The following PXMP2 variants were observed in gnomAD, a reference collection of about 807,000 sequenced individuals.
PXMP2 encodes the protein 22 kDa peroxisomal membrane protein.
A neutral mutation model predicts 20.2 loss-of-function variants in PXMP2; 13 were observed. The ratio of observed to expected loss-of-function variants is 0.64; its 90% confidence interval spans 0.42 to 1.02. The LOEUF (loss-of-function observed/expected upper bound fraction) is 1.02. Ranked by LOEUF, PXMP2 falls within the 50% of genes least tolerant of loss-of-function variation. The pLI, the probability that PXMP2 is intolerant of heterozygous loss-of-function variation, is 0.00. For synonymous variants in PXMP2, 113 were observed against 111.2 expected (o/e 1.02, Z -0.10); for missense variants, 284 against 251.8 (o/e 1.13, Z -0.87).
chr12:132,689,163 G>A (rs1276656813), intron 1 of PXMP2, among the ~76,000 whole-genome samples: 17 of 130,498 alleles, frequency 1.3e-4, no homozygotes, highest in African/African-American at 5.1e-4. Flanking sequence ...CGAGGGGAGC[G>A]GGTCTGCGGG....
At chr12:132,695,759 G>T in intron 2 of PXMP2, 125 bp from the exon 3 acceptor site, 1 of 1,004,700 alleles carries the variant, frequency 1.0e-6, no homozygotes, top group South Asian at 1.9e-5. Context: ...GTACAGACCT[G>T]TGTGGCCAAT....
In PXMP2 at chr12:132,687,696, G is replaced by C; in HGVS notation, c.26G>C (p.Arg9Pro). Residue 9 changes from arginine to proline, a missense_variant, in exon 1 of 5, where the codon CGG (arginine) becomes CCG (proline). Physicochemically the swap from Arg to Pro is moderately radical, Grantham distance 103. Coordinates refer to ENST00000317479, the MANE Select transcript of PXMP2 (RefSeq NM_018663.3). MAPAASRL[R>P]AEAGLGALPR... The stretch of plus-strand genomic sequence containing the variant: ...ATGGCGCCGGCCGCGTCCAGGCTGC[G>C]GGCCGAAGCCGGGCTCGGGGCGCTG... 9.3e-6 allele frequency: 11 copies of C among 1,188,364 alleles called. No homozygotes were observed. The highest frequency in any genetic ancestry group is 1.1e-5 in the Non-Finnish European group (11 of 963,812). 73.6% of individuals were successfully genotyped at this position (1,188,364 alleles called of 1,614,324 possible). A position where few individuals can be genotyped will look rare whatever the true frequency, so the allele number is the denominator to read the frequency against.
intron 2 of PXMP2, among the ~76,000 whole-genome samples, chr12:132,694,394 G>C (rs1275655308): frequency 1.1e-5 from 1 of 93,846 alleles, no homozygotes; most frequent in Admixed American, 1.0e-4. Flanking sequence ...TTGCCAGTTA[G>C]TTAGTGAGCG....
chr12:132,691,754 A>G (rs769201880), intron 2 of PXMP2, among the ~76,000 whole-genome samples: 12 of 152,246 alleles, frequency 7.9e-5, no homozygotes, highest in Middle Eastern at 6.8e-3. Context: ...ACCCCCTATG[A>G]CTGGGTGGGA....
chr12:132,702,661 G>A (rs1413004635), intron 4 of PXMP2: 3 of 193,670 alleles, frequency 1.5e-5, no homozygotes, highest in African/African-American at 4.8e-5. Flanking sequence ...GCAGCTGTGT[G>A]GAGCCTGCAT....
intron 3 of PXMP2, among the ~76,000 whole-genome samples, chr12:132,699,652 C>T (rs940787266): frequency 1.3e-5 from 2 of 151,662 alleles, no homozygotes; most frequent in Non-Finnish European, 2.9e-5. Flanking sequence ...GCCTCAGCCT[C>T]CCAAAGTGCT....
chr12:132,702,424 C>T, intron 4 of PXMP2: 2 of 336,042 alleles, frequency 6.0e-6, no homozygotes, highest in South Asian at 2.2e-5. Flanking sequence ...TGTCTTTATG[C>T]ACAGCCAGGG....
intron 4 of PXMP2, among the ~76,000 whole-genome samples, 200 bp from the exon 5 acceptor site, chr12:132,704,419 C>T (rs1312199652): frequency 6.6e-6 from 1 of 152,046 alleles, no homozygotes; most frequent in South Asian, 2.1e-4. Context: ...ACTAGGGGAC[C>T]GTTTTTCTTC....
rs1217912873 is a variant in PXMP2, at chr12:132,704,897, C to A, written c.*210C>A. The A allele has an allele frequency of 5.3e-6, 3 of 566,830 alleles. No individual in the cohort carries two copies. The highest frequency in any genetic ancestry group is 6.2e-5 in the East Asian group (2 of 32,290). 35.1% of individuals were successfully genotyped at this position (566,830 alleles called of 1,614,324 possible). A position where few individuals can be genotyped will look rare whatever the true frequency, so the allele number is the denominator to read the frequency against. The stretch of plus-strand genomic sequence containing the variant: ...AGTCGCTGCCTTCAGGTGGTGCTGC[C>A]CCAGAAACTTAAAATTTAGTCGAGG... On this transcript the variant is annotated 3_prime_UTR_variant, in exon 5 of 5. Coordinates refer to ENST00000317479, the MANE Select transcript of PXMP2 (RefSeq NM_018663.3).
At position 132,704,750 on chromosome 12, in the gene PXMP2, G is replaced by A. The variant is rs1002070287; in HGVS notation, c.*63G>A. On this transcript the variant is annotated 3_prime_UTR_variant, in exon 5 of 5. Transcript: ENST00000317479. ...GGTCTGGGGGTCTCACCCGCCCAGC[G>A]AGAGCAGAACCAATCCAGTCAGGAT... 10 of 1,499,306 alleles carry A rather than the reference G, an allele frequency of 6.7e-6. No homozygotes were observed. The highest frequency in any genetic ancestry group is 1.7e-4 in the Middle Eastern group (1 of 5,890). 92.9% of individuals were successfully genotyped at this position (1,499,306 alleles called of 1,614,324 possible).
intron 2 of PXMP2, among the ~76,000 whole-genome samples, chr12:132,692,811 CAGTT>C (rs1331235214): frequency 8.7e-5 from 8 of 92,260 alleles, no homozygotes; most frequent in Admixed American, 2.1e-4. Context: ...CTCCCTTAGC[CAGTT>C]AGTTAGTGAG....
chr12:132,702,721 G>T (rs943232781), intron 4 of PXMP2, among the ~76,000 whole-genome samples: 1 of 152,204 alleles, frequency 6.6e-6, no homozygotes, highest in African/African-American at 2.4e-5. Context: ...TCTGGGAAAG[G>T]TGGGTGCCGT....
In PXMP2 at chr12:132,696,092, G is replaced by A; in HGVS notation, c.399+46G>A. The A allele has an allele frequency of 6.6e-7, 1 of 1,520,008 alleles. No individual in the cohort carries two copies. The highest frequency in any genetic ancestry group is 8.9e-7 in the Non-Finnish European group (1 of 1,124,632). 94.2% of individuals were successfully genotyped at this position (1,520,008 alleles called of 1,614,324 possible). Reference sequence around the variant, plus strand: ...TTACTGCAGCTCTTCGTTTAGCACAGGGATTCTTCACCTGACATTCTCGGC... The same window carrying A: ...TTACTGCAGCTCTTCGTTTAGCACAAGGATTCTTCACCTGACATTCTCGGC... On this transcript the variant is annotated intron_variant, in intron 3 of 4. Transcript: ENST00000317479. The surrounding 1 kb of genome is among the most constrained non-coding windows in gnomAD (Gnocchi z 4.4).
intron 4 of PXMP2, among the ~76,000 whole-genome samples, chr12:132,704,033 G>A (rs1266043058): frequency 1.3e-5 from 2 of 152,166 alleles, no homozygotes; most frequent in African/African-American, 2.4e-5. Context: ...TTCAGCAAGC[G>A]TTTCCTGAGC....
chr12:132,689,446 C>A (rs2043353853), intron 1 of PXMP2, among the ~76,000 whole-genome samples: 1 of 152,096 alleles, frequency 6.6e-6, no homozygotes, highest in South Asian at 2.1e-4. Context: ...GGAAGGCCGG[C>A]GTTAAAGAAA....
At chr12:132,698,056 G>T (rs2043419858) in intron 3 of PXMP2, among the ~76,000 whole-genome samples, 1 of 150,356 alleles carries the variant, frequency 6.7e-6, no homozygotes, top group African/African-American at 2.5e-5. Context: ...CTGTTGCCCA[G>T]GCTGGAGTGT....
rs78034912 is a variant in PXMP2 at position 132,689,709 on chromosome 12, T to C, written c.123-554T>C. Among the ~76,000 whole-genome samples, 693 of 152,336 alleles carry C rather than the reference T, an allele frequency of 4.5e-3. 6 individuals carry two copies. The highest frequency in any genetic ancestry group is 0.016 in the African/African-American group (645 of 41,574). On this transcript the variant is annotated intron_variant, in intron 1 of 4. Transcript: ENST00000317479. ...TTTATGGAAATTTTTATTGTGATAA[T>C]TGTAGATTCACAAACAGTTACAAGA... is the stretch of plus-strand genomic sequence containing the variant.
chr12:132,687,940 G>A (rs535569093), intron 1 of PXMP2, 148 bp downstream of exon 1: 1 of 786,094 alleles, frequency 1.3e-6, no homozygotes, highest in South Asian at 6.0e-5. Context: ...ACCCGGCGCT[G>A]AACTTCCCGC....
At chr12:132,687,953 C>T (rs1593100657) in intron 1 of PXMP2, 161 bp downstream of exon 1, 1 of 656,274 alleles carries the variant, frequency 1.5e-6, no homozygotes. Flanking sequence ...CTTCCCGCGG[C>T]GACACCCGCG....
Sources: gnomAD v4.1 joint callset for allele counts (sites outside exome capture counted in the v4.1 genomes callset) on GRCh38, gnomAD v4.1.1 for gene constraint, Gnocchi (gnomAD v3.1) non-coding constraint, MANE v1.5 for transcripts, NCBI Gene and HGNC (gene_info 2026-07-23, HGNC 2026-07-21) for gene names.